RABL3: variants seen among roughly 807,000 people sequenced by gnomAD.
RABL3 encodes the protein RAB, member of RAS oncogene family like 3.
RABL3 carries 31 observed loss-of-function variants against 31.8 expected under a neutral mutation model. That is an observed-to-expected ratio of 0.97 (90% confidence interval 0.73 to 1.31). RABL3 has a LOEUF of 1.31. Ranked by LOEUF, RABL3 falls within the 40% of genes most tolerant of loss-of-function variation. The pLI, the probability that RABL3 is intolerant of heterozygous loss-of-function variation, is 0.00. For missense variants in RABL3, 263 were observed against 279.6 expected (o/e 0.94, Z 0.42); for synonymous variants, 97 against 99.9 (o/e 0.97, Z 0.18).
intron 6 of RABL3, among the ~76,000 whole-genome samples, chr3:120,692,798 G>A (rs1046368239): frequency 2.0e-5 from 3 of 152,076 alleles, no homozygotes; most frequent in Non-Finnish European, 2.9e-5. Context: ...ATGTAATTTA[G>A]TATATCTTAT....
chr3:120,721,967 TAACA>T (rs753760883), intron 2 of RABL3: 1 of 152,138 alleles, frequency 6.6e-6, no homozygotes, highest in South Asian at 2.1e-4. Context: ...ACAGAAATTA[TAACA>T]AACTGTCTCT....
rs762556243 is a variant in RABL3, at chr3:120,715,556, T to A, written c.139-5647A>T. On this transcript the variant is annotated intron_variant, in intron 2 of 7. Transcript: ENST00000273375. ...TTTTTCAAAATAATAATAATAATAATAAATAAAAAAAGAAAGAACGAAATG... is the reference window on the plus strand; with the variant it reads ...TTTTTCAAAATAATAATAATAATAAAAAATAAAAAAAGAAAGAACGAAATG... Among the ~76,000 whole-genome samples the A allele has an allele frequency of 5.7e-4, 86 of 151,870 alleles. 1 individual carries two copies. Among genetic ancestry groups the A allele is most frequent in the Non-Finnish European group, 1.0e-3 (69 of 67,938 alleles).
At chr3:120,731,662 T>C (rs543718662) in intron 1 of RABL3, among the ~76,000 whole-genome samples, 7 of 152,308 alleles carry the variant, frequency 4.6e-5, no homozygotes, top group Admixed American at 2.6e-4. Flanking sequence ...AATCACTAGT[T>C]TTATCAAAAA....
intron 2 of RABL3, among the ~76,000 whole-genome samples, chr3:120,716,562 A>C (rs1359407130): frequency 6.6e-6 from 1 of 152,060 alleles, no homozygotes; most frequent in Non-Finnish European, 1.5e-5. Flanking sequence ...ACATGTATAC[A>C]TATGTAACAA....
chr3:120,698,635 T>C (rs1282402758), intron 4 of RABL3, 62 bp from the exon 5 acceptor site: 3 of 1,378,690 alleles, frequency 2.2e-6, no homozygotes, highest in South Asian at 1.4e-5. Context: ...ATGTGTAATA[T>C]TTAAGTGCAA....
In RABL3 at chr3:120,698,142, C is replaced by T. The variant is rs377129403; in HGVS notation, c.534+281G>A. Among the ~76,000 whole-genome samples the T allele has an allele frequency of 5.3e-5, 8 of 152,048 alleles. No homozygotes were observed. In the South Asian group the frequency reaches 8.3e-4, roughly 16 times the overall value. On this transcript the variant is annotated intron_variant, in intron 5 of 7. Transcript: ENST00000273375. The stretch of plus-strand genomic sequence containing the variant: ...ACGCGCCACTGCACTCCAGTCTGGG[C>T]GACAGAGCGAGACTCTGTTTCAAAA...
chr3:120,703,218 A>G (rs1417611261), intron 4 of RABL3, among the ~76,000 whole-genome samples: 1 of 152,168 alleles, frequency 6.6e-6, no homozygotes, highest in Non-Finnish European at 1.5e-5. Flanking sequence ...TTGCACAAAT[A>G]TAAAATAAGT....
At chr3:120,715,270 G>A (rs551701835) in intron 2 of RABL3, among the ~76,000 whole-genome samples, 2 of 152,296 alleles carry the variant, frequency 1.3e-5, no homozygotes, top group African/African-American at 4.8e-5. Context: ...CAGGTGTGGT[G>A]GCTCATGCCT....
chr3:120,688,620 T>G lies in RABL3; in HGVS notation c.*1203A>C. 6.6e-6 allele frequency: 1 copy of G among 152,202 alleles called. No individual in the cohort carries two copies. Among genetic ancestry groups the G allele is most frequent in the East Asian group, 1.9e-4 (1 of 5,206 alleles). The allele number at this position is 152,202 out of a possible 1,614,324, so 9.4% of individuals were successfully genotyped here. A position where few individuals can be genotyped will look rare whatever the true frequency, so the allele number is the denominator to read the frequency against. ...TATTTATTATTGTTATTTAAAAGTA[T>G]GGAGCAAAATCAGGAGTGCAGAGAC... On this transcript the variant is annotated 3_prime_UTR_variant, in exon 8 of 8. Transcript: ENST00000273375.
intron 4 of RABL3, 150 bp from the exon 5 acceptor site, chr3:120,698,723 T>C: frequency 1.5e-6 from 1 of 671,174 alleles, no homozygotes; most frequent in Non-Finnish European, 2.6e-6. Context: ...TCCAACTTCT[T>C]CCATCTACTT....
chr3:120,742,544 G>A, upstream of RABL3: 1 of 1,611,066 alleles, frequency 6.2e-7, no homozygotes, highest in Non-Finnish European at 8.5e-7. Flanking sequence ...GCCTGTTCCT[G>A]GATTGTAAGC....
chr3:120,730,492 C>G (rs1279432795), intron 2 of RABL3, among the ~76,000 whole-genome samples: 1 of 152,134 alleles, frequency 6.6e-6, no homozygotes, highest in Non-Finnish European at 1.5e-5. Context: ...GCCTTAGTTT[C>G]TGCATCTACA....
At chr3:120,698,292 G>C in intron 5 of RABL3, 131 bp downstream of exon 5, 1 of 854,694 alleles carries the variant, frequency 1.2e-6, no homozygotes, top group Non-Finnish European at 1.8e-6. Flanking sequence ...TCTTGACTAC[G>C]TTTAGACTAG....
chr3:120,742,492 G>C lies in RABL3; in HGVS notation c.16C>G (p.Arg6Gly). 6.2e-7 allele frequency: 1 copy of C among 1,614,176 alleles called. No individual in the cohort carries two copies. The highest frequency in any genetic ancestry group is 8.5e-7 in the Non-Finnish European group (1 of 1,180,038). ...TCTCCCAACACCAGTACCTTCACCC[G>C]ATCCAGGGACGCCATCTTGCCACTG... is the stretch of plus-strand genomic sequence containing the variant. Reference protein sequence around the residue: MASLDRVKVLVLGDSG... With the variant: MASLDGVKVLVLGDSG... The change falls in exon 1 of 8, where the codon CGG becomes GGG. Residue 6 changes from arginine (R) to glycine (G), a missense_variant. Transcript: ENST00000273375.
intron 2 of RABL3, among the ~76,000 whole-genome samples, chr3:120,723,869 T>C (rs1708781825): frequency 6.6e-6 from 1 of 151,978 alleles, no homozygotes; most frequent in Non-Finnish European, 1.5e-5. Flanking sequence ...ACTGGAAGCA[T>C]TCCCTTTGAA....
In RABL3 at chr3:120,730,739, A is replaced by C; in HGVS notation, c.95T>G (p.Leu32Arg). Residue 32 changes from leucine to arginine, a missense_variant, in exon 2 of 8, where the codon CTG becomes CGG. Physicochemically the swap from Leu to Arg is moderately radical, Grantham distance 102. Coordinates refer to ENST00000273375, the MANE Select transcript of RABL3 (RefSeq NM_173825.5). ...LVHLLCQNQV[L>R]GNPSWTVGCS... The stretch of plus-strand genomic sequence containing the variant: ...GCCCACAGTCCATGATGGATTTCCC[A>C]GCACTTGATTTTGGCATAGGAGATG... The C allele has an allele frequency of 6.2e-7, 1 of 1,614,028 alleles. No individual in the cohort carries two copies. Among genetic ancestry groups the C allele is most frequent in the African/African-American group, 1.3e-5 (1 of 75,048 alleles).
At chr3:120,698,706 C>T (rs929037786) in intron 4 of RABL3, 133 bp from the exon 5 acceptor site, 1 of 718,888 alleles carries the variant, frequency 1.4e-6, no homozygotes, top group South Asian at 1.9e-5. Context: ...TACAAACCTA[C>T]TTTCCTTCCA....
At chr3:120,732,867 C>T (rs971860079) in intron 1 of RABL3, among the ~76,000 whole-genome samples, 7 of 152,090 alleles carry the variant, frequency 4.6e-5, no homozygotes, top group Non-Finnish European at 8.8e-5. Context: ...CCAGCTTCAT[C>T]CATGTCCCTG....
At chr3:120,705,518 G>A (rs1433755455) in intron 4 of RABL3, among the ~76,000 whole-genome samples, 2 of 152,112 alleles carry the variant, frequency 1.3e-5, no homozygotes, top group Non-Finnish European at 2.9e-5. Context: ...TTTGGCAAAG[G>A]AGCAAAAGCA....
Sources: allele counts gnomAD v4.1 joint callset (sites outside exome capture counted in the v4.1 genomes callset), GRCh38; gene constraint gnomAD v4.1.1; transcripts MANE v1.5; gene names NCBI Gene and HGNC (gene_info 2026-07-23, HGNC 2026-07-21).